Variants in MEI4 observed in about 807,000 individuals in gnomAD.
MEI4 encodes meiosis-specific protein MEI4.
A neutral mutation model predicts 31.4 loss-of-function variants in MEI4; 27 were observed. The ratio of observed to expected loss-of-function variants is 0.86; its 90% confidence interval spans 0.63 to 1.19. The LOEUF (loss-of-function observed/expected upper bound fraction) is 1.19. MEI4 is among the 50% of genes most tolerant of loss of function. The pLI is 0.00. For missense variants in MEI4, 329 were observed against 398.9 expected, an observed-to-expected ratio of 0.82 and a Z score of 1.49; for synonymous variants, 122 against 145.4, an observed-to-expected ratio of 0.84 and a Z score of 1.16.
At chr6:77,772,325 AT>A (rs1203482474) in intron 3 of MEI4, among the ~76,000 whole-genome samples, 1 of 151,822 alleles carries the variant, frequency 6.6e-6, no homozygotes, top group Non-Finnish European at 1.5e-5. Flanking sequence ...CTCAACAAAA[AT>A]CTAGCAAACC....
chr6:77,798,205 C>T (rs1019253880), intron 3 of MEI4, among the ~76,000 whole-genome samples: 9 of 149,216 alleles, frequency 6.0e-5, no homozygotes, highest in South Asian at 2.1e-4. Flanking sequence ...AAAATGTATA[C>T]ATTTGATGCA....
intron 1 of MEI4, among the ~76,000 whole-genome samples, chr6:77,680,115 CAAAAAAAA>C (rs1220251759): frequency 2.5e-5 from 1 of 39,752 alleles, no homozygotes; most frequent in Non-Finnish European, 4.2e-5. Context: ...ACTAAAAATA[CAAAAAAAA>C]AAAAAATTAG....
intron 2 of MEI4, among the ~76,000 whole-genome samples, chr6:77,749,235 C>G (rs1162112878): frequency 6.6e-6 from 1 of 152,084 alleles, no homozygotes; most frequent in Non-Finnish European, 1.5e-5. Flanking sequence ...CACAACTCCT[C>G]AACAGCAAGA....
intron 1 of MEI4, among the ~76,000 whole-genome samples, chr6:77,679,817 T>C (rs1286339104): frequency 6.6e-6 from 1 of 151,200 alleles, no homozygotes; most frequent in Admixed American, 6.6e-5. Flanking sequence ...CTCGGCTCAC[T>C]GCAACCTCCG....
At chr6:77,888,108 T>G (rs913833813) in intron 4 of MEI4, among the ~76,000 whole-genome samples, 1 of 152,232 alleles carries the variant, frequency 6.6e-6, no homozygotes, top group Admixed American at 6.5e-5. Context: ...GGTTTCCATT[T>G]GCATGGAATA....
chr6:77,876,407 C>A (rs188477906), intron 4 of MEI4, among the ~76,000 whole-genome samples: 142 of 152,204 alleles, frequency 9.3e-4, no homozygotes, highest in Admixed American at 6.5e-3. Context: ...CTCCTTGTGT[C>A]CTGTGTTCAT....
At chr6:77,657,419 C>G (rs374309861) in intron 1 of MEI4, among the ~76,000 whole-genome samples, 1 of 152,118 alleles carries the variant, frequency 6.6e-6, no homozygotes, top group Admixed American at 6.5e-5. Context: ...CATCACCTGC[C>G]CTCTCTTTTA....
intron 2 of MEI4, among the ~76,000 whole-genome samples, chr6:77,694,495 G>A (rs192433805): frequency 1.2e-3 from 172 of 147,856 alleles, no homozygotes; most frequent in Admixed American, 2.4e-3. Context: ...TCCCACCTAT[G>A]AGTGAGAACA....
chr6:77,765,764 A>G (rs940357691), intron 3 of MEI4, among the ~76,000 whole-genome samples: 7 of 149,626 alleles, frequency 4.7e-5, no homozygotes, highest in Admixed American at 4.0e-4. Flanking sequence ...ACTATGCACA[A>G]TAGCAAAGAC....
chr6:77,846,486 A>G (rs543713194), intron 4 of MEI4, among the ~76,000 whole-genome samples: 217 of 152,192 alleles, frequency 1.4e-3, no homozygotes, highest in African/African-American at 4.8e-3. Flanking sequence ...TATTGAATTT[A>G]GGGCATTATT....
chr6:77,863,777 G>T (rs932713087), intron 4 of MEI4, among the ~76,000 whole-genome samples: 2 of 152,132 alleles, frequency 1.3e-5, no homozygotes, highest in African/African-American at 4.8e-5. Context: ...ACACATAATT[G>T]TCAGATTCAC....
intron 4 of MEI4, among the ~76,000 whole-genome samples, chr6:77,888,916 CT>C: frequency 6.6e-6 from 1 of 152,236 alleles, no homozygotes; most frequent in Non-Finnish European, 1.5e-5. Context: ...TTATAAGGGG[CT>C]TTTCCCCCTT....
intron 3 of MEI4, among the ~76,000 whole-genome samples, chr6:77,790,305 TGAC>T (rs1265895895): frequency 6.6e-6 from 1 of 150,712 alleles, no homozygotes; most frequent in Non-Finnish European, 1.5e-5. Flanking sequence ...TAATGTTAAA[TGAC>T]GAGTTAATGG....
chr6:77,730,184 TA>T (rs879754175), intron 2 of MEI4, among the ~76,000 whole-genome samples: 5 of 152,100 alleles, frequency 3.3e-5, no homozygotes, highest in South Asian at 2.1e-4. Context: ...GTACAGTGTA[TA>T]GGGGGCACTG....
chr6:77,767,591 C>T (rs1034218248), intron 3 of MEI4, among the ~76,000 whole-genome samples: 14 of 151,430 alleles, frequency 9.2e-5, no homozygotes, highest in East Asian at 5.9e-4. Flanking sequence ...CAGCTACTCA[C>T]GAGTCTGAGG....
intron 3 of MEI4, among the ~76,000 whole-genome samples, chr6:77,772,707 G>T (rs1424283709): frequency 6.6e-6 from 1 of 151,894 alleles, no homozygotes; most frequent in Admixed American, 6.6e-5. Context: ...ATTCTAGCTA[G>T]AACAATCAGA....
At chr6:77,742,998 G>A (rs1022625198) in intron 2 of MEI4, among the ~76,000 whole-genome samples, 1 of 152,044 alleles carries the variant, frequency 6.6e-6, no homozygotes, top group Non-Finnish European at 1.5e-5. Context: ...TTTGGTACCA[G>A]TACCATGCTG....
chr6:77,791,923 T>G (rs893820939), intron 3 of MEI4, among the ~76,000 whole-genome samples: 4 of 152,188 alleles, frequency 2.6e-5, no homozygotes, highest in African/African-American at 9.7e-5. Flanking sequence ...TGATCATCCT[T>G]TGACCAACAC....
At chr6:77,762,474 T>A (rs1483052) in intron 3 of MEI4, among the ~76,000 whole-genome samples, 50,134 of 151,942 alleles carry the variant, frequency 0.33, 8,720 homozygotes, top group East Asian at 0.48. Flanking sequence ...ATCCTCTTTA[T>A]TTGACTACCA....
Sources: allele counts gnomAD v4.1 joint callset (sites outside exome capture counted in the v4.1 genomes callset), GRCh38; gene constraint gnomAD v4.1.1; transcripts MANE v1.5; gene names NCBI Gene and HGNC (gene_info 2026-07-23, HGNC 2026-07-21).